Variants in ZMYND11 observed in about 807,000 individuals in gnomAD.
ZMYND11 encodes the protein zinc finger MYND domain-containing protein 11.
ZMYND11 carries 9 observed loss-of-function variants against 84.9 expected under a neutral mutation model. The observed-to-expected ratio is 0.11, with a 90% CI of 0.06 to 0.18. The LOEUF is 0.18. Ranked by LOEUF, ZMYND11 falls within the 10% of genes least tolerant of loss-of-function variation. ZMYND11 has a pLI of 1.00. For missense variants in ZMYND11, 409 were observed against 761.0 expected, an observed-to-expected ratio of 0.54 and a Z score of 5.44; for synonymous variants, 250 against 244.1, an observed-to-expected ratio of 1.02 and a Z score of -0.23.
intron 4 of ZMYND11, among the ~76,000 whole-genome samples, chr10:234,747 ATCTCCAGCCT>A (rs543420894): frequency 1.5e-3 from 228 of 152,320 alleles, no homozygotes; most frequent in Middle Eastern, 0.014. Flanking sequence ...CAACGTAGCA[ATCTCCAGCCT>A]TCTTACGTTT....
intron 2 of ZMYND11, among the ~76,000 whole-genome samples, chr10:185,837 CAAAA>C (rs1190356934): frequency 7.4e-6 from 1 of 135,212 alleles, no homozygotes; most frequent in African/African-American, 2.7e-5. Flanking sequence ...AACAAAAAAA[CAAAA>C]AAAAAGACGG....
chr10:224,900 TGAG>T (rs1481043998), intron 4 of ZMYND11, among the ~76,000 whole-genome samples: 3 of 152,238 alleles, frequency 2.0e-5, no homozygotes, highest in African/African-American at 7.2e-5. Context: ...TTCCAACTTC[TGAG>T]GAGGAGTCTT....
At chr10:167,836 T>C (rs1564303999) in intron 1 of ZMYND11, among the ~76,000 whole-genome samples, 1 of 152,168 alleles carries the variant, frequency 6.6e-6, no homozygotes, top group African/African-American at 2.4e-5. Flanking sequence ...ACACATAACA[T>C]ATAATTTATT....
intron 2 of ZMYND11, among the ~76,000 whole-genome samples, chr10:191,747 C>G (rs968113320): frequency 1.3e-5 from 2 of 152,112 alleles, no homozygotes; most frequent in African/African-American, 4.8e-5. Flanking sequence ...TTTCTCTACC[C>G]GAATTCAAAT....
intron 1 of ZMYND11, among the ~76,000 whole-genome samples, chr10:151,972 A>G (rs1354823387): frequency 6.6e-6 from 1 of 152,236 alleles, no homozygotes; most frequent in Middle Eastern, 3.2e-3. Flanking sequence ...ACTAAGCTTC[A>G]TAAGTGAAGA....
intron 2 of ZMYND11, chr10:197,940 T>C (rs1297558904): frequency 3.1e-6 from 2 of 651,992 alleles, no homozygotes; most frequent in Non-Finnish European, 5.5e-6. Flanking sequence ...TTCTTGAACC[T>C]ATGGTGATTT....
At chr10:178,565 A>G (rs550454406) in intron 1 of ZMYND11, among the ~76,000 whole-genome samples, 1 of 152,336 alleles carries the variant, frequency 6.6e-6, no homozygotes, top group South Asian at 2.1e-4. Context: ...ACTGTCTAAA[A>G]TGGAAGTGTT....
chr10:242,213 A>T, intron 10 of ZMYND11, 74 bp downstream of exon 10: 1 of 1,554,286 alleles, frequency 6.4e-7, no homozygotes, highest in Non-Finnish European at 8.7e-7. Flanking sequence ...TGATTTCTCC[A>T]TCAGAGATGC....
chr10:241,145 TTAAAATGAGATACTGAATA>T (rs1423643331), intron 9 of ZMYND11, among the ~76,000 whole-genome samples, 175 bp downstream of exon 9: 3 of 152,148 alleles, frequency 2.0e-5, no homozygotes, highest in African/African-American at 7.2e-5. Context: ...ATTTCTGATT[TTAAAATGAGATACTGAATA>T]AAAATAAATA....
chr10:215,018 A>G (rs1756152232), intron 3 of ZMYND11, among the ~76,000 whole-genome samples: 1 of 152,236 alleles, frequency 6.6e-6, no homozygotes, highest in Admixed American at 6.5e-5. Context: ...ATGATGGATC[A>G]TTTGCAGATA....
At chr10:247,123 C>T in intron 11 of ZMYND11, 150 bp downstream of exon 11, 1 of 861,454 alleles carries the variant, frequency 1.2e-6, no homozygotes, top group Non-Finnish European at 1.8e-6. Context: ...AAACCAAAAG[C>T]AGTTCAAATG....
chr10:216,336 T>A lies in ZMYND11; in HGVS notation c.277-4859T>A, dbSNP rs552943027. ...ACAGTGAGAATTTCTTTTTAAAGTT[T>A]TAGGTCTTTGTCTTTTTCTTGATAA... is the stretch of plus-strand genomic sequence containing the variant. On this transcript the variant is annotated intron_variant, in intron 3 of 14. Coordinates refer to ENST00000381604, the MANE Select transcript of ZMYND11 (RefSeq NM_001370100.5). Among the ~76,000 whole-genome samples the A allele has an allele frequency of 3.9e-5, 6 of 152,340 alleles. No individual in the cohort carries two copies. In the South Asian group the frequency reaches 8.3e-4, roughly 21 times the overall value.
rs1357101242 is a variant in ZMYND11, at chr10:185,008, C to T, written c.116+4880C>T. ...TTTCTCTGTAATACCGGGCTTTGTC[C>T]TGGAAAGGAACTGTGACTGCTTAAT... On this transcript the variant is annotated intron_variant, in intron 2 of 14. Coordinates refer to ENST00000381604, the MANE Select transcript of ZMYND11 (RefSeq NM_001370100.5). Among the ~76,000 whole-genome samples, 4 of 152,176 alleles carry T rather than the reference C, an allele frequency of 2.6e-5. No individual in the cohort carries two copies. In the East Asian group the frequency reaches 7.7e-4, roughly 29 times the overall value.
At chr10:191,451 T>C (rs1185870627) in intron 2 of ZMYND11, among the ~76,000 whole-genome samples, 2 of 152,180 alleles carry the variant, frequency 1.3e-5, no homozygotes, top group African/African-American at 2.4e-5. Context: ...AGCCCCACCT[T>C]ATAGGTAGGG....
At chr10:184,609 T>C (rs1335122525) in intron 2 of ZMYND11, among the ~76,000 whole-genome samples, 2 of 152,220 alleles carry the variant, frequency 1.3e-5, no homozygotes, top group African/African-American at 2.4e-5. Flanking sequence ...CTTCATGTCT[T>C]TTCTCATGTG....
chr10:177,658 T>C lies in ZMYND11; in HGVS notation c.-19-2336T>C, dbSNP rs1019803888. 2.0e-5 allele frequency among the ~76,000 whole-genome samples: 3 copies of C among 152,290 alleles called. No individual in the cohort carries two copies. In the East Asian group the frequency reaches 5.8e-4, roughly 29 times the overall value. On this transcript the variant is annotated intron_variant, in intron 1 of 14. Transcript: ENST00000381604. ...AGCTTTGCTGTTAAATTTAACATTT[T>C]ACATTTTACAGCTTTGCTGTATTTT... is the stretch of plus-strand genomic sequence containing the variant.
At chr10:169,027 GA>G (rs1844672247) in intron 1 of ZMYND11, among the ~76,000 whole-genome samples, 3 of 152,270 alleles carry the variant, frequency 2.0e-5, no homozygotes, top group African/African-American at 7.2e-5. Flanking sequence ...GCGGGAGGGG[GA>G]AAGGGATCAT....
chr10:151,027 TAACA>T (rs1188181618), intron 1 of ZMYND11, among the ~76,000 whole-genome samples: 36 of 152,194 alleles, frequency 2.4e-4, no homozygotes, highest in African/African-American at 6.7e-4. Flanking sequence ...GAAGGAAAAC[TAACA>T]AACAGAAAGG....
intron 2 of ZMYND11, among the ~76,000 whole-genome samples, chr10:207,495 C>T (rs1429251849): frequency 6.6e-6 from 1 of 152,190 alleles, no homozygotes; most frequent in African/African-American, 2.4e-5. Flanking sequence ...TCCTCTCCAG[C>T]ACCTGTTGTT....
Sources: gnomAD v4.1 joint callset for allele counts (sites outside exome capture counted in the v4.1 genomes callset) on GRCh38, gnomAD v4.1.1 for gene constraint, MANE v1.5 for transcripts, NCBI Gene and HGNC (gene_info 2026-07-23, HGNC 2026-07-21) for gene names.